The following P2RY10 variants were observed in gnomAD, a reference collection of about 807,000 sequenced individuals.
P2RY10 encodes the protein P2Y receptor family member 10, also known as putative P2Y purinoceptor 10.
P2RY10 carries 4 observed loss-of-function variants against 12.1 expected under a neutral mutation model. The observed-to-expected ratio is 0.33, with a 90% CI of 0.16 to 0.76. The LOEUF (loss-of-function observed/expected upper bound fraction) is 0.76, where lower values mean the gene tolerates loss of function less well. P2RY10 is among the 30% of genes least tolerant of loss of function. The pLI, the probability that P2RY10 is intolerant of heterozygous loss-of-function variation, is 0.61. For synonymous variants in P2RY10, 112 were observed against 94.1 expected (o/e 1.19, Z -1.10); for missense variants, 233 against 264.6 (o/e 0.88, Z 0.83).
chrX:78,959,608 A>T (rs1467069243), intron 3 of P2RY10, among the ~76,000 whole-genome samples: 1 of 112,042 alleles, frequency 8.9e-6, no homozygotes, highest in African/African-American at 3.2e-5. Flanking sequence ...TGAATAAAGA[A>T]AGCATTACAT....
intron 2 of P2RY10, among the ~76,000 whole-genome samples, chrX:78,951,573 C>T (rs777982547): frequency 5.4e-5 from 6 of 110,095 alleles, no homozygotes; most frequent in African/African-American, 2.0e-4. Context: ...TAGGGTTGCC[C>T]GATGTAAGGA....
At chrX:78,951,542 C>T (rs1180836824) in intron 2 of P2RY10, among the ~76,000 whole-genome samples, 4 of 110,294 alleles carry the variant, frequency 3.6e-5, no homozygotes, top group African/African-American at 6.6e-5. Context: ...AGTAGGTGTT[C>T]GAAGAAGAGG....
At position 78,947,874 on chromosome X, in the gene P2RY10, T is replaced by C; in HGVS notation, c.-157+11T>C. On this transcript the variant is annotated intron_variant, in intron 2 of 3. Transcript: ENST00000171757. ...ACAGGCAAATGCTTTGTAAGTAATTTCCCTTTTTTAAAAATGAGAAAATGC... is the reference window on the plus strand; with the variant it reads ...ACAGGCAAATGCTTTGTAAGTAATTCCCCTTTTTTAAAAATGAGAAAATGC... 3.0e-6 allele frequency: 2 copies of C among 671,820 alleles called. No individual in the cohort carries two copies. The highest frequency in any genetic ancestry group is 1.8e-6 in the Non-Finnish European group (1 of 563,795). The allele number at this position is 671,820 out of a possible 1,213,427, so 55.4% of individuals were successfully genotyped here.
rs1047764897 is a variant in P2RY10 at position 78,963,534 on chromosome X, T to G, written c.*1994T>G. ...CAATCCTCAAGAGTCACACTTCATA[T>G]TCCTTCCTTTCAAGTGGTTGATAAA... is the stretch of plus-strand genomic sequence containing the variant. On this transcript the variant is annotated 3_prime_UTR_variant, in exon 4 of 4. Coordinates refer to ENST00000171757, the MANE Select transcript of P2RY10 (RefSeq NM_014499.4). Among the ~76,000 whole-genome samples the G allele has an allele frequency of 8.9e-6, 1 of 112,388 alleles. No individual in the cohort carries two copies. Among genetic ancestry groups the G allele is most frequent in the Admixed American group, 9.4e-5 (1 of 10,638 alleles).
In P2RY10 at chrX:78,960,597, A is replaced by G. The variant is rs766677366; in HGVS notation, c.77A>G (p.Asn26Ser). Residue 26 changes from asparagine to serine, a missense_variant, in exon 4 of 4, where the codon AAT (asparagine) becomes AGT (serine). Transcript: ENST00000171757. ...NSTSTAEIYCNVTNVKFQYSL... is the reference protein window; with the variant it reads ...NSTSTAEIYCSVTNVKFQYSL... ...ACCAGCACTGCTGAGATTTACTGTA[A>G]TGTCACTAATGTGAAATTTCAATAC... The G allele has an allele frequency of 4.1e-6, 5 of 1,206,425 alleles. No individual in the cohort carries two copies. The South Asian group carries it at 8.8e-5, about 21-fold the overall frequency.
chrX:78,951,906 GCT>G (rs1242705172), intron 2 of P2RY10, among the ~76,000 whole-genome samples: 1 of 111,134 alleles, frequency 9.0e-6, no homozygotes, highest in Non-Finnish European at 1.9e-5. Flanking sequence ...TCTTCCTGAT[GCT>G]CTCTCTCACC....
chrX:78,960,757 T>A lies in P2RY10; in HGVS notation c.237T>A (p.Ala79=). Residue 79 remains alanine, a synonymous_variant, in exon 4 of 4, where the codon GCT becomes GCA. Coordinates refer to ENST00000171757, the MANE Select transcript of P2RY10 (RefSeq NM_014499.4). ...AIIFMINLSV[A]DLAHVLSLPL... ...TTTTCATGATCAACCTCTCTGTGGC[T>A]GACCTTGCTCATGTATTATCTTTAC... The A allele has an allele frequency of 8.3e-7, 1 of 1,211,818 alleles. No individual in the cohort carries two copies. The highest frequency in any genetic ancestry group is 1.1e-6 in the Non-Finnish European group (1 of 895,294).
At chrX:78,948,299 C>A (rs187437019) in intron 2 of P2RY10, among the ~76,000 whole-genome samples, 110 of 112,025 alleles carry the variant, frequency 9.8e-4, no homozygotes, top group Non-Finnish European at 1.7e-3. Context: ...TCTGCTACAA[C>A]TACACTTCTT....
chrX:78,946,931 C>T (rs184329379), intron 1 of P2RY10, among the ~76,000 whole-genome samples: 201 of 111,938 alleles, frequency 1.8e-3, no homozygotes, highest in African/African-American at 5.6e-3. Context: ...GACAGGCCAG[C>T]CTGCTGGGCT....
At chrX:78,957,387 CAGAGAGAGAGAG>C (rs1555965494) in intron 3 of P2RY10, among the ~76,000 whole-genome samples, 2 of 75,811 alleles carry the variant, frequency 2.6e-5, no homozygotes, top group Admixed American at 1.5e-4. Flanking sequence ...CACACACACA[CAGAGAGAGAGAG>C]AGAGAGAGAG....
At chrX:78,947,549 G>A (rs1276322408) in intron 1 of P2RY10, among the ~76,000 whole-genome samples, 3 of 111,615 alleles carry the variant, frequency 2.7e-5, no homozygotes, top group Non-Finnish European at 5.7e-5. Flanking sequence ...TGTGGCCTTC[G>A]GTGAGTTATT....
At chrX:78,951,714 C>T (rs747597123) in intron 2 of P2RY10, among the ~76,000 whole-genome samples, 1 of 111,803 alleles carries the variant, frequency 8.9e-6, no homozygotes, top group East Asian at 2.8e-4. Context: ...TTATCAGGAA[C>T]ATCTTTAGAG....
intron 3 of P2RY10, 51 bp from the exon 4 acceptor site, chrX:78,960,457 C>G: frequency 1.1e-6 from 1 of 951,530 alleles, no homozygotes; most frequent in South Asian, 2.3e-5. Flanking sequence ...TAGGTGTTAA[C>G]TAAAGAACTA....
At position 78,962,462 on chromosome X, in the gene P2RY10, C is replaced by T. The variant is rs1162567702; in HGVS notation, c.*922C>T. On this transcript the variant is annotated 3_prime_UTR_variant, in exon 4 of 4. Coordinates refer to ENST00000171757, the MANE Select transcript of P2RY10 (RefSeq NM_014499.4). ...CATATATGCTTATGTTATTCCCTTG[C>T]TTTTGTTGTTACATTTATTAGGTCT... Among the ~76,000 whole-genome samples, 3 of 111,949 alleles carry T rather than the reference C, an allele frequency of 2.7e-5. No individual in the cohort carries two copies. The highest frequency in any genetic ancestry group is 5.6e-4 in the East Asian group (2 of 3,568).
chrX:78,950,771 G>T (rs1922069293), intron 2 of P2RY10, among the ~76,000 whole-genome samples: 1 of 111,689 alleles, frequency 9.0e-6, no homozygotes, highest in South Asian at 3.7e-4. Flanking sequence ...TTTAAAATAT[G>T]TTTCTGTCCA....
At position 78,962,290 on chromosome X, in the gene P2RY10, A is replaced by G. The variant is rs1322838971; in HGVS notation, c.*750A>G. 1.8e-5 allele frequency among the ~76,000 whole-genome samples: 2 copies of G among 109,955 alleles called. No homozygotes were observed. The highest frequency in any genetic ancestry group is 3.3e-5 in the African/African-American group (1 of 30,096). On this transcript the variant is annotated 3_prime_UTR_variant, in exon 4 of 4. Coordinates refer to ENST00000171757, the MANE Select transcript of P2RY10 (RefSeq NM_014499.4). ...GTCTTCTATCCCTCGCCCCCTTCCC[A>G]CTCTTCCACACATAACATCTCATCT...
chrX:78,948,631 C>T (rs1921959229), intron 2 of P2RY10, among the ~76,000 whole-genome samples: 1 of 111,457 alleles, frequency 9.0e-6, no homozygotes, highest in Non-Finnish European at 1.9e-5. Context: ...CCACCCTCTT[C>T]TGAGTCTCTA....
In P2RY10 at chrX:78,963,683, G is replaced by A. The variant is rs770194160; in HGVS notation, c.*2143G>A. ...TTTTGACATGTGAATCTCTAATGTGGTGAGAGAGAAAAACATAAAAATATA... is the reference window on the plus strand; with the variant it reads ...TTTTGACATGTGAATCTCTAATGTGATGAGAGAGAAAAACATAAAAATATA... On this transcript the variant is annotated 3_prime_UTR_variant, in exon 4 of 4. Coordinates refer to ENST00000171757, the MANE Select transcript of P2RY10 (RefSeq NM_014499.4). Among the ~76,000 whole-genome samples, 2 of 112,165 alleles carry A rather than the reference G, an allele frequency of 1.8e-5. No individual in the cohort carries two copies. The highest frequency in any genetic ancestry group is 3.2e-5 in the African/African-American group (1 of 30,936).
rs1248898242 is a variant in P2RY10 at position 78,948,110 on chromosome X, C to T, written c.-157+247C>T. Among the ~76,000 whole-genome samples the T allele has an allele frequency of 5.4e-5, 6 of 111,927 alleles. No homozygotes were observed. The East Asian group carries it at 1.7e-3, about 31-fold the overall frequency. On this transcript the variant is annotated intron_variant, in intron 2 of 3. Coordinates refer to ENST00000171757, the MANE Select transcript of P2RY10 (RefSeq NM_014499.4). ...TTGACATTTTCCAAGTACTAAGTGC[C>T]CAACAGTTAAGAGGATTTTGTAGAT...
Sources: allele counts gnomAD v4.1 joint callset (sites outside exome capture counted in the v4.1 genomes callset), GRCh38; gene constraint gnomAD v4.1.1; transcripts MANE v1.5; gene names NCBI Gene and HGNC (gene_info 2026-07-23, HGNC 2026-07-21).